Variants in TENM3 observed in about 807,000 individuals in gnomAD.
TENM3 encodes the protein teneurin transmembrane protein 3.
Under a neutral mutation model 255.1 loss-of-function variants are expected in TENM3, and 63 were observed. That is an observed-to-expected ratio of 0.25 (90% CI 0.20 to 0.30). The LOEUF (loss-of-function observed/expected upper bound fraction) is 0.30, where lower values mean the gene tolerates loss of function less well. TENM3 is among the 10% of genes least tolerant of loss of function. TENM3 has a pLI of 1.00. For synonymous variants in TENM3, 1,306 were observed against 1,322.3 expected (o/e 0.99, Z 0.27); for missense variants, 2,929 against 3,461.1 (o/e 0.85, Z 3.86).
At chr4:181,851,591 C>T in the TENM3 span, among the ~76,000 whole-genome samples, 1 of 152,050 alleles carries the variant, frequency 6.6e-6, no homozygotes, top group Non-Finnish European at 1.5e-5. Flanking sequence ...TATACACACG[C>T]ACGCACGCAA....
At chr4:182,001,296 T>C in the TENM3 span, among the ~76,000 whole-genome samples, 1 of 152,072 alleles carries the variant, frequency 6.6e-6, no homozygotes, top group Non-Finnish European at 1.5e-5. Context: ...AATAACATAG[T>C]TAGCAAATGT....
intron 1 of TENM3, among the ~76,000 whole-genome samples, chr4:182,163,859 A>G (rs917944077): frequency 6.6e-6 from 1 of 152,142 alleles, no homozygotes; most frequent in African/African-American, 2.4e-5. Flanking sequence ...TGGTCTGCAA[A>G]TACTAGGGTT....
chr4:181,502,168 A>G, the TENM3 span, among the ~76,000 whole-genome samples: 1 of 152,238 alleles, frequency 6.6e-6, no homozygotes, highest in South Asian at 2.1e-4. Context: ...AAACTCTTCT[A>G]TGTGATACTA....
At chr4:182,082,539 A>G in the TENM3 span, among the ~76,000 whole-genome samples, 4 of 152,216 alleles carry the variant, frequency 2.6e-5, no homozygotes, top group African/African-American at 4.8e-5. Flanking sequence ...GCACAATTAT[A>G]TGATTTGCCC....
intron 1 of TENM3, among the ~76,000 whole-genome samples, chr4:182,244,235 G>T (rs1020099746): frequency 6.6e-6 from 1 of 151,862 alleles, no homozygotes; most frequent in African/African-American, 2.4e-5. Context: ...TTACAGGCGT[G>T]AGCCACCGCG....
intron 1 of TENM3, among the ~76,000 whole-genome samples, chr4:182,320,081 C>A (rs550081347): frequency 2.5e-4 from 37 of 150,648 alleles, no homozygotes; most frequent in African/African-American, 8.3e-4. Flanking sequence ...CCAGTGCAAT[C>A]CAGCCTGAGT....
intron 3 of TENM3, among the ~76,000 whole-genome samples, chr4:182,546,754 G>A (rs77117239): frequency 0.021 from 3,179 of 152,288 alleles, 140 homozygotes; most frequent in African/African-American, 0.071. Flanking sequence ...TCTGTCCACA[G>A]ATAATCCTGA....
At chr4:182,555,293 T>A (rs1742473556) in intron 3 of TENM3, among the ~76,000 whole-genome samples, 1 of 152,176 alleles carries the variant, frequency 6.6e-6, no homozygotes, top group South Asian at 2.1e-4. Context: ...TTGGGTTTTT[T>A]AAAATCAAGA....
At chr4:182,423,041 A>G (rs552347232) in intron 3 of TENM3, among the ~76,000 whole-genome samples, 1 of 152,276 alleles carries the variant, frequency 6.6e-6, no homozygotes, top group South Asian at 2.1e-4. Flanking sequence ...TCCATTTACA[A>G]AACGGATGGT....
At chr4:181,663,994 A>G in the TENM3 span, among the ~76,000 whole-genome samples, 1 of 152,114 alleles carries the variant, frequency 6.6e-6, no homozygotes, top group Non-Finnish European at 1.5e-5. Context: ...AGACTCTTTG[A>G]ACACATAATT....
the TENM3 span, among the ~76,000 whole-genome samples, chr4:181,903,492 C>G: frequency 6.6e-6 from 1 of 152,160 alleles, no homozygotes; most frequent in African/African-American, 2.4e-5. Context: ...ACAATTCCAG[C>G]TTCATTAGGC....
At chr4:182,228,400 A>G (rs1579809139) in intron 1 of TENM3, among the ~76,000 whole-genome samples, 1 of 82,706 alleles carries the variant, frequency 1.2e-5, no homozygotes, top group Middle Eastern at 7.1e-3. Flanking sequence ...GTGTATATGT[A>G]ATCCCTCCCA....
chr4:182,074,414 G>A, the TENM3 span, among the ~76,000 whole-genome samples: 5 of 152,142 alleles, frequency 3.3e-5, no homozygotes, highest in Admixed American at 6.5e-5. Flanking sequence ...GAGTCAAAAC[G>A]CATTGAAACC....
At chr4:181,483,877 C>T in the TENM3 span, among the ~76,000 whole-genome samples, 1 of 152,120 alleles carries the variant, frequency 6.6e-6, no homozygotes, top group African/African-American at 2.4e-5. Context: ...TGGTAGTAAA[C>T]TTCTTTTCTC....
intron 1 of TENM3, among the ~76,000 whole-genome samples, chr4:182,174,006 ACTTT>A (rs1356611594): frequency 6.6e-6 from 1 of 152,184 alleles, no homozygotes; most frequent in East Asian, 1.9e-4. Context: ...TGCTTTAGTC[ACTTT>A]CTTGTAAGCC....
chr4:181,582,669 C>CAAAAAAAAAAAAAAAAAAAAAAA, the TENM3 span, among the ~76,000 whole-genome samples: 3 of 124,752 alleles, frequency 2.4e-5, no homozygotes, highest in African/African-American at 6.2e-5. Flanking sequence ...CAAAACAAAT[C>CAAAAAAAAAAAAAAAAAAAAAAA]AAAAAAAAAA....
the TENM3 span, among the ~76,000 whole-genome samples, chr4:182,136,252 T>C: frequency 6.6e-6 from 1 of 152,354 alleles, no homozygotes; most frequent in South Asian, 2.1e-4. Flanking sequence ...CTACAATTAC[T>C]TTCTTCTAGA....
chr4:182,386,664 C>T (rs1767947700), intron 3 of TENM3, among the ~76,000 whole-genome samples: 1 of 152,180 alleles, frequency 6.6e-6, no homozygotes, highest in African/African-American at 2.4e-5. Flanking sequence ...AGCTGCCGGC[C>T]GGCCGGGGCA....
intron 4 of TENM3, among the ~76,000 whole-genome samples, chr4:182,626,330 T>C (rs1750815923): frequency 6.6e-6 from 1 of 152,242 alleles, no homozygotes; most frequent in Non-Finnish European, 1.5e-5. Flanking sequence ...TGAATTGGCA[T>C]TTAAAATCTT....
Sources: allele counts gnomAD v4.1 joint callset (sites outside exome capture counted in the v4.1 genomes callset), GRCh38; gene constraint gnomAD v4.1.1; transcripts MANE v1.5; gene names NCBI Gene and HGNC (gene_info 2026-07-23, HGNC 2026-07-21).